The following UNC5D variants were observed in gnomAD, a reference collection of about 807,000 sequenced individuals.
The protein encoded by UNC5D is unc-5 netrin receptor D.
UNC5D carries 39 observed loss-of-function variants against 105.4 expected under a neutral mutation model. The observed-to-expected ratio is 0.37, with a 90% CI of 0.29 to 0.48. The LOEUF is 0.48. UNC5D is among the 20% of genes least tolerant of loss of function. UNC5D has a pLI of 0.98. For missense variants in UNC5D, 991 were observed against 1,202.4 expected (o/e 0.82, Z 2.60); for synonymous variants, 452 against 450.4 (o/e 1.00, Z -0.04).
chr8:35,534,408 T>C (rs556248746), intron 1 of UNC5D, among the ~76,000 whole-genome samples: 17 of 152,166 alleles, frequency 1.1e-4, no homozygotes, highest in Non-Finnish European at 2.2e-4. Context: ...GCAGTTATGA[T>C]GTTAAATTCT....
chr8:35,249,023 ATG>A, intron 1 of UNC5D, among the ~76,000 whole-genome samples: 1 of 42,218 alleles, frequency 2.4e-5, no homozygotes, highest in African/African-American at 5.6e-5. Context: ...TATATTATAT[ATG>A]TTTATATAAT....
At position 35,604,739 on chromosome 8, in the gene UNC5D, G is replaced by A. The variant is rs369010469; in HGVS notation, c.570+9082G>A. On this transcript the variant is annotated intron_variant, in intron 4 of 16. Transcript: ENST00000404895. ...CCCATATTTCTTGGAGGCTTTGTTC[G>A]TTTCTTTTTATTCTTTTTTCTCTAA... Among the ~76,000 whole-genome samples, 11 of 152,112 alleles carry A rather than the reference G, an allele frequency of 7.2e-5. No individual in the cohort carries two copies. In the South Asian group the frequency reaches 8.3e-4, roughly 12 times the overall value.
At chr8:35,274,538 G>A (rs1057484730) in intron 1 of UNC5D, among the ~76,000 whole-genome samples, 1 of 152,156 alleles carries the variant, frequency 6.6e-6, no homozygotes, top group African/African-American at 2.4e-5. Flanking sequence ...ACGGCCTGTG[G>A]ATTGATGACA....
chr8:35,602,169 G>A (rs1349500116), intron 4 of UNC5D, among the ~76,000 whole-genome samples: 1 of 152,172 alleles, frequency 6.6e-6, no homozygotes, highest in African/African-American at 2.4e-5. Flanking sequence ...TGGTGGATGA[G>A]CTTTTTGATG....
At chr8:35,692,039 T>A (rs769629107) in intron 7 of UNC5D, among the ~76,000 whole-genome samples, 10 of 152,296 alleles carry the variant, frequency 6.6e-5, no homozygotes, top group East Asian at 1.9e-4. Flanking sequence ...AGCTACCTGA[T>A]AGCTAGTCCG....
intron 3 of UNC5D, among the ~76,000 whole-genome samples, chr8:35,589,527 T>G (rs1563565407): frequency 6.6e-6 from 1 of 152,062 alleles, no homozygotes. Context: ...CTATTTAAAG[T>G]GTACAATTTG....
chr8:35,574,568 T>C (rs1052836353), intron 3 of UNC5D, among the ~76,000 whole-genome samples: 68 of 152,304 alleles, frequency 4.5e-4, no homozygotes, highest in African/African-American at 1.6e-3. Context: ...AGGGTAAAAA[T>C]TTTTTGAAAA....
intron 1 of UNC5D, among the ~76,000 whole-genome samples, chr8:35,503,619 A>T (rs1009259229): frequency 3.9e-5 from 6 of 152,182 alleles, no homozygotes; most frequent in Non-Finnish European, 8.8e-5. Context: ...ACTCTGTTTT[A>T]TTCACATTCT....
chr8:35,352,138 T>C (rs1042830208), intron 1 of UNC5D, among the ~76,000 whole-genome samples: 1 of 151,996 alleles, frequency 6.6e-6, no homozygotes, highest in Non-Finnish European at 1.5e-5. Flanking sequence ...ATAAGAAAAA[T>C]ATATAAGTAA....
chr8:35,321,944 A>G lies in UNC5D; in HGVS notation c.103+86057A>G, dbSNP rs73673449. On this transcript the variant is annotated intron_variant, in intron 1 of 16. Coordinates refer to ENST00000404895, the MANE Select transcript of UNC5D (RefSeq NM_080872.4). ...CTGTTAAGTGGATATCCTCATTCCT[A>G]TTTTGTAGGCAGAAACTAAAACCCA... Among the ~76,000 whole-genome samples the G allele has an allele frequency of 8.3e-3, 1,264 of 152,256 alleles. 24 individuals carry two copies. Among genetic ancestry groups the G allele is most frequent in the African/African-American group, 0.029 (1,196 of 41,550 alleles).
chr8:35,637,388 T>C (rs1469531605), intron 4 of UNC5D, among the ~76,000 whole-genome samples: 2 of 152,340 alleles, frequency 1.3e-5, no homozygotes, highest in East Asian at 3.9e-4. Flanking sequence ...CATTCATTTA[T>C]ATGTAGTTTT....
chr8:35,389,818 G>A (rs554108048), intron 1 of UNC5D, among the ~76,000 whole-genome samples: 2 of 151,284 alleles, frequency 1.3e-5, no homozygotes, highest in South Asian at 2.1e-4. Context: ...AAGAATATGT[G>A]TGTGACTTTC....
chr8:35,302,417 G>A (rs548042384), intron 1 of UNC5D, among the ~76,000 whole-genome samples: 1 of 152,162 alleles, frequency 6.6e-6, no homozygotes, highest in African/African-American at 2.4e-5. Flanking sequence ...TGAGAGCATC[G>A]CAGGGCACTC....
intron 10 of UNC5D, among the ~76,000 whole-genome samples, chr8:35,728,876 A>G (rs1282574982): frequency 6.6e-6 from 1 of 152,158 alleles, no homozygotes; most frequent in Non-Finnish European, 1.5e-5. Context: ...TTTTTCTTTA[A>G]TCAGAGGTAA....
chr8:35,331,034 A>T (rs1810587625), intron 1 of UNC5D, among the ~76,000 whole-genome samples: 2 of 152,122 alleles, frequency 1.3e-5, no homozygotes, highest in African/African-American at 2.4e-5. Flanking sequence ...TGCTAAGCTA[A>T]GATCATATTA....
chr8:35,246,068 T>TG (rs1803074948), intron 1 of UNC5D, among the ~76,000 whole-genome samples: 2 of 152,092 alleles, frequency 1.3e-5, no homozygotes, highest in Admixed American at 6.6e-5. Flanking sequence ...TTAAGCAATG[T>TG]GGGGGGCTAG....
intron 1 of UNC5D, among the ~76,000 whole-genome samples, chr8:35,427,340 C>A (rs1383893668): frequency 1.3e-5 from 2 of 152,196 alleles, no homozygotes; most frequent in Non-Finnish European, 2.9e-5. Flanking sequence ...AGTGCTGGTC[C>A]TCACAAACCC....
chr8:35,653,136 G>T (rs1389647968), intron 4 of UNC5D, among the ~76,000 whole-genome samples: 2 of 151,698 alleles, frequency 1.3e-5, no homozygotes, highest in Non-Finnish European at 2.9e-5. Flanking sequence ...CATCATGTTG[G>T]CCAGGATAGT....
intron 1 of UNC5D, among the ~76,000 whole-genome samples, chr8:35,258,186 C>T (rs1804214255): frequency 6.6e-6 from 1 of 152,132 alleles, no homozygotes; most frequent in Non-Finnish European, 1.5e-5. Flanking sequence ...AGTGTTCTTA[C>T]ATGGTGGAAG....
Sources: gnomAD v4.1 joint callset for allele counts (sites outside exome capture counted in the v4.1 genomes callset) on GRCh38, gnomAD v4.1.1 for gene constraint, MANE v1.5 for transcripts, NCBI Gene and HGNC (gene_info 2026-07-23, HGNC 2026-07-21) for gene names.